Variants in SLC22A24 observed in about 807,000 individuals in gnomAD.
The protein encoded by SLC22A24 is steroid transmembrane transporter SLC22A24.
In SLC22A24, 53 loss-of-function variants were observed where a neutral mutation model predicts 49.8. The observed-to-expected ratio is 1.06, with a 90% confidence interval of 0.85 to 1.34. The LOEUF is 1.34. Among genes scored for constraint, SLC22A24 ranks in the 40% most tolerant of loss-of-function variants. SLC22A24 has a pLI of 0.00. For synonymous variants in SLC22A24, 302 were observed against 256.4 expected, an observed-to-expected ratio of 1.18 and a Z score of -1.70; for missense variants, 786 against 675.9, an observed-to-expected ratio of 1.16 and a Z score of -1.81.
chr11:63,117,680 C>G (rs1032037597), intron 4 of SLC22A24, among the ~76,000 whole-genome samples: 4 of 152,092 alleles, frequency 2.6e-5, no homozygotes, highest in African/African-American at 9.7e-5. Context: ...TTTTCTCTTC[C>G]TTACGCTTTT....
intron 5 of SLC22A24, among the ~76,000 whole-genome samples, chr11:63,100,607 T>C (rs754670077): frequency 3.9e-5 from 6 of 152,082 alleles, no homozygotes; most frequent in Admixed American, 6.6e-5. Flanking sequence ...CCAAAGCTAC[T>C]CTGAGTAAAA....
In SLC22A24 at chr11:63,143,529, C is replaced by T. The variant is rs766083396; in HGVS notation, c.251G>A (p.Arg84Lys). 2.5e-6 allele frequency: 4 copies of T among 1,594,436 alleles called. No homozygotes were observed. The highest frequency in any genetic ancestry group is 4.6e-5 in the East Asian group (2 of 43,598). The change falls in exon 1 of 10, where the codon AGG becomes AAG. Residue 84 changes from arginine to lysine, a missense_variant. By Grantham distance (26) the Arg-to-Lys change is conservative (BLOSUM62 2). Coordinates refer to ENST00000612278, the MANE Select transcript of SLC22A24 (RefSeq NM_001136506.2). ...GATAAAGCGCTGACACTTCTGTGGC[C>T]TCAGGTTTGAGTCCAGTGGGATGGA... ...RISIPLDSNL[R>K]PQKCQRFIHP...
chr11:63,123,386 A>T (rs1427985179), intron 2 of SLC22A24, among the ~76,000 whole-genome samples: 1 of 152,172 alleles, frequency 6.6e-6, no homozygotes, highest in Non-Finnish European at 1.5e-5. Flanking sequence ...ACTTGATATC[A>T]CTGGTCTCTA....
chr11:63,093,393 G>T (rs770244776), intron 6 of SLC22A24, among the ~76,000 whole-genome samples: 2 of 151,982 alleles, frequency 1.3e-5, no homozygotes, highest in East Asian at 1.9e-4. Context: ...ACATGCACAC[G>T]TATGTTTATT....
intron 4 of SLC22A24, among the ~76,000 whole-genome samples, chr11:63,106,129 T>G (rs552773484): frequency 2.9e-5 from 4 of 138,298 alleles, no homozygotes; most frequent in African/African-American, 1.1e-4. Context: ...CCCCTTCCTG[T>G]GTCCATGTGT....
intron 5 of SLC22A24, 71 bp from the exon 6 acceptor site, chr11:63,096,177 A>G (rs1565326037): frequency 1.0e-6 from 1 of 977,702 alleles, no homozygotes; most frequent in South Asian, 1.4e-5. Context: ...GGTAAGTACT[A>G]GAGAACAAGA....
At chr11:63,118,735 C>A in intron 4 of SLC22A24, 177 bp downstream of exon 4, 1 of 641,094 alleles carries the variant, frequency 1.6e-6, no homozygotes, top group Non-Finnish European at 2.8e-6. Flanking sequence ...GTGCCAGCCT[C>A]CCCACATATA....
At chr11:63,132,299 T>C (rs149358291) in intron 2 of SLC22A24, among the ~76,000 whole-genome samples, 4,239 of 152,344 alleles carry the variant, frequency 0.028, 74 homozygotes, top group South Asian at 0.056. Flanking sequence ...GTCAAACTCA[T>C]TCTTCATCCA....
intron 1 of SLC22A24, among the ~76,000 whole-genome samples, chr11:63,141,430 A>G (rs901197010): frequency 4.6e-5 from 7 of 152,176 alleles, no homozygotes; most frequent in African/African-American, 9.7e-5. Context: ...AAAGGATACA[A>G]TTGGAGAAAC....
intron 5 of SLC22A24, among the ~76,000 whole-genome samples, chr11:63,102,292 C>T (rs536831390): frequency 1.1e-4 from 16 of 151,968 alleles, no homozygotes; most frequent in Non-Finnish European, 2.1e-4. Context: ...GAAAACATGG[C>T]CTAGAGATTG....
At chr11:63,097,240 AAC>A (rs2087060473) in intron 5 of SLC22A24, among the ~76,000 whole-genome samples, 1 of 152,154 alleles carries the variant, frequency 6.6e-6, no homozygotes, top group Non-Finnish European at 1.5e-5. Context: ...AGAAAAAAAA[AAC>A]AACCCCATCA....
chr11:63,095,055 C>G (rs2087045008), intron 6 of SLC22A24, among the ~76,000 whole-genome samples: 1 of 152,070 alleles, frequency 6.6e-6, no homozygotes, highest in Non-Finnish European at 1.5e-5. Context: ...AAGTCCTTGC[C>G]CATGCGTATG....
chr11:63,117,420 C>A (rs758790314), intron 4 of SLC22A24, among the ~76,000 whole-genome samples: 2 of 152,144 alleles, frequency 1.3e-5, no homozygotes, highest in Non-Finnish European at 1.5e-5. Context: ...GAGTATGTGA[C>A]ACTCAGTCAG....
At chr11:63,110,141 A>G (rs10897356) in intron 4 of SLC22A24, among the ~76,000 whole-genome samples, 112,463 of 147,920 alleles carry the variant, frequency 0.76, 44,647 homozygotes, top group East Asian at 0.9. Context: ...CAGGTTTGTC[A>G]AAGATCAGAT....
At chr11:63,083,959 G>T (rs754054319) in intron 6 of SLC22A24, among the ~76,000 whole-genome samples, 9 of 152,282 alleles carry the variant, frequency 5.9e-5, no homozygotes, top group African/African-American at 9.6e-5. Context: ...AATCCCTGGA[G>T]AATGGGGGTA....
intron 2 of SLC22A24, among the ~76,000 whole-genome samples, chr11:63,123,810 A>G (rs2087269133): frequency 6.6e-6 from 1 of 152,120 alleles, no homozygotes; most frequent in Admixed American, 6.6e-5. Flanking sequence ...ACTCTATCTT[A>G]CCATCTCCCT....
intron 5 of SLC22A24, among the ~76,000 whole-genome samples, chr11:63,102,557 A>T (rs2087097690): frequency 6.6e-6 from 1 of 152,126 alleles, no homozygotes; most frequent in African/African-American, 2.4e-5. Flanking sequence ...GTTTTTGAGA[A>T]ATCTTTGGTG....
rs1010721376 is a variant in SLC22A24, at chr11:63,080,997, A to G, written c.1521T>C (p.Leu507=). The change falls in exon 9 of 10, where the codon CTT becomes CTC. Residue 507 remains leucine (L), a synonymous_variant. Coordinates refer to ENST00000612278, the MANE Select transcript of SLC22A24 (RefSeq NM_001136506.2). Reference sequence around the variant, plus strand: ...GAAGGAGGAGGATAACAGGGACAGCAAGGATGGGGAAGACTCCATAGGAAA... The same window carrying G: ...GAAGGAGGAGGATAACAGGGACAGCGAGGATGGGGAAGACTCCATAGGAAA... The part of the protein sequence containing the change: ...PWISYGVFPI[L]AVPVILLLPE... 1 of 1,552,022 alleles carries G rather than the reference A, an allele frequency of 6.4e-7. No homozygotes were observed.
At chr11:63,101,441 G>GTTAA (rs1041732552) in intron 5 of SLC22A24, among the ~76,000 whole-genome samples, 1 of 151,884 alleles carries the variant, frequency 6.6e-6, no homozygotes, top group Non-Finnish European at 1.5e-5. Context: ...CTAGGTAAGT[G>GTTAA]TTAATTAAAT....
Sources: allele counts gnomAD v4.1 joint callset (sites outside exome capture counted in the v4.1 genomes callset), GRCh38; gene constraint gnomAD v4.1.1; transcripts MANE v1.5; gene names NCBI Gene and HGNC (gene_info 2026-07-23, HGNC 2026-07-21).